Variants in SCML2 observed in about 807,000 individuals in gnomAD.
The protein encoded by SCML2 is Scm polycomb group protein like 2, also known as sex comb on midleg-like protein 2.
A neutral mutation model predicts 48.4 loss-of-function variants in SCML2; 6 were observed. That is an observed-to-expected ratio of 0.12 (90% CI 0.07 to 0.24). The LOEUF (loss-of-function observed/expected upper bound fraction) is 0.24, where lower values mean the gene tolerates loss of function less well. SCML2 is among the 10% of genes least tolerant of loss of function. SCML2 has a pLI of 1.00. For synonymous variants in SCML2, 181 were observed against 189.5 expected (o/e 0.95, Z 0.37); for missense variants, 377 against 528.2 (o/e 0.71, Z 2.81).
intron 7 of SCML2, among the ~76,000 whole-genome samples, chrX:18,299,409 T>C (rs1928506223): frequency 9.1e-6 from 1 of 110,084 alleles, no homozygotes; most frequent in Non-Finnish European, 1.9e-5. Flanking sequence ...TACCAACTAC[T>C]CGAGAGGCTG....
Position 18,240,600 on chromosome X carries a change from G to A in SCML2, c.*651C>T, listed in dbSNP as rs1926229787. ...TAAAAAATTTATCAAAAACTGGTAA[G>A]AACACTTCATGAAAGCTTATAAGCT... On this transcript the variant is annotated 3_prime_UTR_variant, in exon 15 of 15. Transcript: ENST00000251900. 2 of 112,043 alleles carry A rather than the reference G, an allele frequency of 1.8e-5. No homozygotes were observed. The highest frequency in any genetic ancestry group is 6.5e-5 in the African/African-American group (2 of 30,873). 9.2% of individuals were successfully genotyped at this position (112,043 alleles called of 1,213,427 possible). A position where few individuals can be genotyped will look rare whatever the true frequency, so the allele number is the denominator to read the frequency against.
At chrX:18,247,278 A>G (rs1398850175) in intron 12 of SCML2, among the ~76,000 whole-genome samples, 1 of 111,592 alleles carries the variant, frequency 9.0e-6, no homozygotes, top group Non-Finnish European at 1.9e-5. Context: ...ATTAATGGAC[A>G]TTGTCCTACA....
chrX:18,290,985 A>G (rs746481085), intron 7 of SCML2, among the ~76,000 whole-genome samples: 8 of 111,842 alleles, frequency 7.2e-5, no homozygotes, highest in Non-Finnish European at 1.3e-4. Flanking sequence ...GGTAGCTTAC[A>G]GGGCATTCCT....
At chrX:18,304,560 A>C (rs1202201429) in intron 7 of SCML2, among the ~76,000 whole-genome samples, 2 of 112,376 alleles carry the variant, frequency 1.8e-5, no homozygotes, top group African/African-American at 6.5e-5. Context: ...ATCATGTAAG[A>C]CATGTTTATA....
Position 18,240,998 on chromosome X carries a change from T to A in SCML2, c.*253A>T. ...AGACATAAAGAACTGCCAATTTGAA[T>A]ATGCCAATACTAACCTGTTAAATGC... On this transcript the variant is annotated 3_prime_UTR_variant, in exon 15 of 15. Transcript: ENST00000251900. 1 of 159,812 alleles carries A rather than the reference T, an allele frequency of 6.3e-6. No homozygotes were observed. Among genetic ancestry groups the A allele is most frequent in the Non-Finnish European group, 1.2e-5 (1 of 82,300 alleles). The allele number at this position is 159,812 out of a possible 1,213,427, so 13.2% of individuals were successfully genotyped here.
At chrX:18,351,515 TTGTTC>T (rs58618500) in intron 1 of SCML2, among the ~76,000 whole-genome samples, 1,148 of 109,970 alleles carry the variant, frequency 0.01, 22 homozygotes, top group African/African-American at 0.037. Context: ...AGAGCCCACT[TTGTTC>T]TTGTATATCC....
intron 1 of SCML2, among the ~76,000 whole-genome samples, chrX:18,352,980 G>A (rs1315358628): frequency 9.0e-6 from 1 of 111,033 alleles, no homozygotes; most frequent in East Asian, 2.8e-4. Context: ...AGTTTAAATG[G>A]TGTTTTTTCT....
intron 11 of SCML2, among the ~76,000 whole-genome samples, chrX:18,255,723 A>T (rs925031610): frequency 2.7e-5 from 3 of 112,650 alleles, no homozygotes; most frequent in African/African-American, 9.7e-5. Context: ...AACCAGGAGG[A>T]CCAGAAAAAA....
At chrX:18,292,842 AG>A (rs901204313) in intron 7 of SCML2, among the ~76,000 whole-genome samples, 1 of 111,523 alleles carries the variant, frequency 9.0e-6, no homozygotes, top group African/African-American at 3.2e-5. Context: ...TATATATTTG[AG>A]GGGACTTACT....
chrX:18,351,455 A>C (rs2213615), intron 1 of SCML2, among the ~76,000 whole-genome samples: 29,985 of 109,748 alleles, frequency 0.27, 3,533 homozygotes, highest in African/African-American at 0.44. Context: ...TCTGGCAATG[A>C]CAGACTAATC....
chrX:18,324,059 C>T lies in SCML2; in HGVS notation c.197G>A (p.Gly66Asp), dbSNP rs150934178. 1 of 1,207,873 alleles carries T rather than the reference C, an allele frequency of 8.3e-7. No homozygotes were observed. The highest frequency in any genetic ancestry group is 1.1e-6 in the Non-Finnish European group (1 of 892,369). The change falls in exon 5 of 15, where the codon GGT becomes GAT. Residue 66 changes from glycine to aspartate, a missense_variant. Transcript: ENST00000251900. Reference sequence around the variant, plus strand: ...AGGGTCACGGGCTTCCAATTTCATACCAACTTTGAAATCATTCACAGGTGG... The same window carrying T: ...AGGGTCACGGGCTTCCAATTTCATATCAACTTTGAAATCATTCACAGGTGG... The part of the protein sequence containing the change: ...QIPPVNDFKV[G>D]MKLEARDPRN...
intron 7 of SCML2, among the ~76,000 whole-genome samples, chrX:18,291,401 T>C (rs1468946685): frequency 6.2e-5 from 7 of 112,390 alleles, no homozygotes; most frequent in African/African-American, 1.3e-4. Flanking sequence ...ATAAGCCTAA[T>C]GCAAATTTTT....
At chrX:18,354,215 A>G (rs1385987374) in intron 1 of SCML2, among the ~76,000 whole-genome samples, 1 of 112,310 alleles carries the variant, frequency 8.9e-6, no homozygotes, top group Admixed American at 9.3e-5. Context: ...CCCGCCACCC[A>G]CCGTGATGCC....
intron 6 of SCML2, among the ~76,000 whole-genome samples, chrX:18,316,591 T>C (rs2147534067): frequency 8.9e-6 from 1 of 112,102 alleles, no homozygotes; most frequent in Non-Finnish European, 1.9e-5. Flanking sequence ...TCAATGTTAG[T>C]GAAGGTGTGG....
In SCML2 at chrX:18,343,245, GAGT is replaced by G. The variant is rs1441032167; in HGVS notation, c.-24-9153_-24-9151del. Among the ~76,000 whole-genome samples, 16 of 106,446 alleles carry G rather than the reference GAGT, an allele frequency of 1.5e-4. No homozygotes were observed. In the East Asian group the frequency reaches 4.4e-3, roughly 29 times the overall value. 92.4% of individuals were successfully genotyped at this position (106,446 alleles called of 115,157 possible). A position where few individuals can be genotyped will look rare whatever the true frequency, so the allele number is the denominator to read the frequency against. Reference sequence around the variant, plus strand: ...GAGTCTCTAAAGATCACTACCTGAAGAGTAGTGATCTTCAGTAAGGGTAAACAT... The same window carrying G: ...GAGTCTCTAAAGATCACTACCTGAAGAGTGATCTTCAGTAAGGGTAAACAT... On this transcript the variant is annotated intron_variant, in intron 1 of 14. Coordinates refer to ENST00000251900, the MANE Select transcript of SCML2 (RefSeq NM_006089.3).
chrX:18,246,064 A>G (rs1373556392), intron 13 of SCML2, among the ~76,000 whole-genome samples: 2 of 112,116 alleles, frequency 1.8e-5, no homozygotes, highest in African/African-American at 6.5e-5. Context: ...TCTAAATGGC[A>G]ACAGGATATT....
At chrX:18,276,299 G>GA (rs369588545) in intron 7 of SCML2, among the ~76,000 whole-genome samples, 19,115 of 58,189 alleles carry the variant, frequency 0.33, 1,767 homozygotes, top group Middle Eastern at 0.42. Context: ...GTCTCAAGAA[G>GA]AAAAAAAAAA....
chrX:18,343,774 A>AG (rs1930100962), intron 1 of SCML2, among the ~76,000 whole-genome samples: 1 of 105,573 alleles, frequency 9.5e-6, no homozygotes, highest in Non-Finnish European at 1.9e-5. Flanking sequence ...AAAAAAAAAA[A>AG]AAAAAGAAAA....
chrX:18,351,106 C>T (rs1930361489), intron 1 of SCML2, among the ~76,000 whole-genome samples: 1 of 110,499 alleles, frequency 9.0e-6, no homozygotes, highest in East Asian at 2.9e-4. Flanking sequence ...CCCGTCTCTA[C>T]TAAAAATGCA....
Sources: gnomAD v4.1 joint callset for allele counts (sites outside exome capture counted in the v4.1 genomes callset) on GRCh38, gnomAD v4.1.1 for gene constraint, MANE v1.5 for transcripts, NCBI Gene and HGNC (gene_info 2026-07-23, HGNC 2026-07-21) for gene names.